Variants in UNC13C observed in about 807,000 individuals in gnomAD.
UNC13C encodes protein unc-13 homolog C.
UNC13C carries 174 observed loss-of-function variants against 245.4 expected under a neutral mutation model. That is an observed-to-expected ratio of 0.71 (90% CI 0.63 to 0.80). The LOEUF (loss-of-function observed/expected upper bound fraction) is 0.80. Ranked by LOEUF, UNC13C falls within the 30% of genes least tolerant of loss-of-function variation. The pLI is 0.00. For missense variants in UNC13C, 2,829 were observed against 2,602.9 expected, an observed-to-expected ratio of 1.09 and a Z score of -1.89; for synonymous variants, 992 against 895.1, an observed-to-expected ratio of 1.11 and a Z score of -1.93.
chr15:54,294,013 A>G lies in UNC13C; in HGVS notation c.3937A>G (p.Ile1313Val). ...KESDDFLGQT[I>V]VEVRTLSGEM... ...GTCAGATGATTTTCTGGGACAAACAATTGTAGAAGTGAGGACCTTGAGTGG... is the reference window on the plus strand; with the variant it reads ...GTCAGATGATTTTCTGGGACAAACAGTTGTAGAAGTGAGGACCTTGAGTGG... The change falls in exon 11 of 33, where the codon ATT (isoleucine) becomes GTT (valine). Residue 1313 changes from isoleucine to valine, a missense_variant. Coordinates refer to ENST00000260323, the MANE Select transcript of UNC13C (RefSeq NM_001080534.3). 7 of 1,594,988 alleles carry G rather than the reference A, an allele frequency of 4.4e-6. No homozygotes were observed. The highest frequency in any genetic ancestry group is 6.0e-6 in the Non-Finnish European group (7 of 1,171,872).
intron 30 of UNC13C, among the ~76,000 whole-genome samples, chr15:54,598,078 A>G (rs2460604): frequency 0.054 from 8,296 of 152,240 alleles, 754 homozygotes; most frequent in African/African-American, 0.19. Flanking sequence ...TCCTACAATG[A>G]GTGAAAGATT....
At chr15:54,104,760 G>C (rs1595860822) in intron 2 of UNC13C, among the ~76,000 whole-genome samples, 1 of 151,762 alleles carries the variant, frequency 6.6e-6, no homozygotes, top group African/African-American at 2.4e-5. Flanking sequence ...TGATTTTCCA[G>C]TTTGATTGTA....
At chr15:54,032,589 T>A (rs1183332724) in intron 2 of UNC13C, among the ~76,000 whole-genome samples, 1 of 152,324 alleles carries the variant, frequency 6.6e-6, no homozygotes, top group East Asian at 1.9e-4. Flanking sequence ...ATTGTGACAT[T>A]TCTTAGAACT....
chr15:54,030,321 A>G (rs1437228549), intron 2 of UNC13C, among the ~76,000 whole-genome samples: 2 of 151,892 alleles, frequency 1.3e-5, no homozygotes, highest in African/African-American at 4.8e-5. Context: ...TTACTTAGTT[A>G]ACGCCCCTTA....
At chr15:53,949,079 A>G in the UNC13C span, among the ~76,000 whole-genome samples, 1 of 152,236 alleles carries the variant, frequency 6.6e-6, no homozygotes, top group African/African-American at 2.4e-5. Context: ...TCTACAGAGG[A>G]GTACAGAAAA....
chr15:53,931,721 C>G, the UNC13C span, among the ~76,000 whole-genome samples: 2 of 152,084 alleles, frequency 1.3e-5, no homozygotes, highest in African/African-American at 4.8e-5. Flanking sequence ...CTCTGCGACT[C>G]TTCTCTTAAA....
chr15:54,620,841 G>A (rs993172882), intron 30 of UNC13C, among the ~76,000 whole-genome samples: 4 of 151,418 alleles, frequency 2.6e-5, no homozygotes, highest in Admixed American at 1.3e-4. Flanking sequence ...GCCTTCAGTA[G>A]TACAAAGAGT....
intron 20 of UNC13C, among the ~76,000 whole-genome samples, 191 bp downstream of exon 20, chr15:54,494,925 T>G (rs1259244981): frequency 1.3e-5 from 2 of 152,020 alleles, no homozygotes; most frequent in African/African-American, 4.8e-5. Flanking sequence ...TGTTGCATAT[T>G]TCAAATACGC....
At chr15:54,426,041 T>C (rs1323660785) in intron 19 of UNC13C, among the ~76,000 whole-genome samples, 1 of 151,714 alleles carries the variant, frequency 6.6e-6, no homozygotes, top group Non-Finnish European at 1.5e-5. Context: ...ATGACTCTCC[T>C]GCCTCCCTCT....
intron 4 of UNC13C, among the ~76,000 whole-genome samples, chr15:54,155,521 ATTC>A (rs2032705745): frequency 6.6e-6 from 1 of 152,202 alleles, no homozygotes; most frequent in South Asian, 2.1e-4. Flanking sequence ...ACAATTAAAT[ATTC>A]TTCAAATTAT....
the UNC13C span, among the ~76,000 whole-genome samples, chr15:53,838,908 C>T: frequency 6.6e-6 from 1 of 151,912 alleles, no homozygotes; most frequent in African/African-American, 2.4e-5. Context: ...TATATTCAGA[C>T]ATTTAATTTG....
At chr15:54,147,974 C>T (rs1207997491) in intron 4 of UNC13C, among the ~76,000 whole-genome samples, 1 of 152,148 alleles carries the variant, frequency 6.6e-6, no homozygotes, top group Non-Finnish European at 1.5e-5. Context: ...GTACAGTTCT[C>T]ATAGCACTAA....
chr15:54,013,935 T>G lies in UNC13C; in HGVS notation c.1032T>G (p.Asp344Glu). The part of the protein sequence containing the change: ...VESVVYQILI[D>E]KMGFSDAPNA... ...GCGTGGTGTACCAAATTCTAATAGATAAAATGGGTTTTTCAGATGCACCAA... is the reference window on the plus strand; with the variant it reads ...GCGTGGTGTACCAAATTCTAATAGAGAAAATGGGTTTTTCAGATGCACCAA... The change falls in exon 2 of 33, where the codon GAT (aspartate) becomes GAG (glutamate). Residue 344 changes from aspartate to glutamate, a missense_variant. By Grantham distance (45) the Asp-to-Glu change is conservative (BLOSUM62 2). Coordinates refer to ENST00000260323, the MANE Select transcript of UNC13C (RefSeq NM_001080534.3). The G allele has an allele frequency of 6.2e-7, 1 of 1,613,284 alleles. No individual in the cohort carries two copies. The highest frequency in any genetic ancestry group is 8.5e-7 in the Non-Finnish European group (1 of 1,179,694).
At chr15:54,495,878 G>A (rs1436784086) in intron 20 of UNC13C, among the ~76,000 whole-genome samples, 1 of 151,840 alleles carries the variant, frequency 6.6e-6, no homozygotes, top group African/African-American at 2.4e-5. Flanking sequence ...AAGTATATAA[G>A]AAGTAAGGGG....
At chr15:53,901,307 C>T in the UNC13C span, among the ~76,000 whole-genome samples, 1 of 151,394 alleles carries the variant, frequency 6.6e-6, no homozygotes, top group Non-Finnish European at 1.5e-5. Flanking sequence ...ACAAGCTCCA[C>T]CTCCCGGGTT....
At chr15:54,269,966 A>T (rs1189371720) in intron 10 of UNC13C, among the ~76,000 whole-genome samples, 1 of 152,250 alleles carries the variant, frequency 6.6e-6, no homozygotes. Flanking sequence ...TAAAATATTT[A>T]TTAACTTTAA....
chr15:54,563,482 G>A (rs1001219248), intron 29 of UNC13C, among the ~76,000 whole-genome samples: 5 of 151,950 alleles, frequency 3.3e-5, no homozygotes, highest in African/African-American at 1.2e-4. Context: ...GCCAGTCTAA[G>A]TAAAACATCT....
intron 17 of UNC13C, among the ~76,000 whole-genome samples, chr15:54,392,370 A>G (rs1398551312): frequency 6.6e-6 from 1 of 152,058 alleles, no homozygotes; most frequent in African/African-American, 2.4e-5. Context: ...GAAGACTTTG[A>G]GCAGTGTGGT....
At chr15:54,169,382 C>T (rs1290270967) in intron 4 of UNC13C, among the ~76,000 whole-genome samples, 2 of 152,112 alleles carry the variant, frequency 1.3e-5, no homozygotes, top group South Asian at 2.1e-4. Flanking sequence ...GGATTTTCTC[C>T]ATGTAGAGAG....
Sources: gnomAD v4.1 joint callset for allele counts (sites outside exome capture counted in the v4.1 genomes callset) on GRCh38, gnomAD v4.1.1 for gene constraint, MANE v1.5 for transcripts, NCBI Gene and HGNC (gene_info 2026-07-23, HGNC 2026-07-21) for gene names.